Variants in JMJD1C observed in about 807,000 individuals in gnomAD.
JMJD1C encodes jumonji domain-containing protein 1C.
In JMJD1C, 31 loss-of-function variants were observed where a neutral mutation model predicts 245.3. The ratio of observed to expected loss-of-function variants is 0.13; its 90% CI spans 0.09 to 0.17. JMJD1C has a LOEUF of 0.17. Ranked by LOEUF, JMJD1C falls within the 10% of genes least tolerant of loss-of-function variation. JMJD1C has a pLI of 1.00. For synonymous variants in JMJD1C, 1,057 were observed against 1,017.4 expected (o/e 1.04, Z -0.74); for missense variants, 2,691 against 3,000.2 (o/e 0.90, Z 2.41).
intron 2 of JMJD1C, among the ~76,000 whole-genome samples, chr10:63,315,411 T>G (rs960503175): frequency 7.9e-5 from 12 of 152,224 alleles, no homozygotes; most frequent in Admixed American, 7.9e-4. Flanking sequence ...GGGTAACTTT[T>G]CATCTATTGT....
intron 1 of JMJD1C, among the ~76,000 whole-genome samples, chr10:63,388,412 A>G (rs1947798181): frequency 6.6e-6 from 1 of 152,204 alleles, no homozygotes; most frequent in Admixed American, 6.5e-5. Context: ...ATGGGGAAAT[A>G]AAGTCTTTCC....
chr10:63,398,318 T>C (rs1948633546), intron 1 of JMJD1C, among the ~76,000 whole-genome samples: 1 of 152,170 alleles, frequency 6.6e-6, no homozygotes, highest in African/African-American at 2.4e-5. Context: ...CTTTTTCCCC[T>C]TGGTTAAAGA....
intron 1 of JMJD1C, among the ~76,000 whole-genome samples, chr10:63,457,213 A>C (rs911224555): frequency 1.3e-5 from 2 of 152,220 alleles, no homozygotes; most frequent in African/African-American, 2.4e-5. Context: ...GCAGGTTCCA[A>C]TTTAAAGGAA....
At chr10:63,383,194 T>C (rs1251169350) in intron 1 of JMJD1C, among the ~76,000 whole-genome samples, 8 of 144,080 alleles carry the variant, frequency 5.6e-5, no homozygotes, top group African/African-American at 2.1e-4. Flanking sequence ...GTGTTTATAC[T>C]GCTGCCCACT....
At chr10:63,244,847 G>T (rs964674414) in intron 3 of JMJD1C, among the ~76,000 whole-genome samples, 2 of 150,752 alleles carry the variant, frequency 1.3e-5, no homozygotes, top group Non-Finnish European at 3.0e-5. Flanking sequence ...ACAATTAAAA[G>T]AAATTAAGGC....
chr10:63,392,909 C>CACACGT (rs60946505), intron 1 of JMJD1C, among the ~76,000 whole-genome samples: 1 of 144,940 alleles, frequency 6.9e-6, no homozygotes, highest in Non-Finnish European at 1.5e-5. Flanking sequence ...CACACACACA[C>CACACGT]GTGAGCAAAG....
At chr10:63,232,594 T>C (rs760427860) in intron 3 of JMJD1C, among the ~76,000 whole-genome samples, 3 of 152,202 alleles carry the variant, frequency 2.0e-5, no homozygotes, top group Non-Finnish European at 4.4e-5. Context: ...CCCACTGTTA[T>C]ATATCCAGAT....
At chr10:63,335,487 A>C (rs1419266952) in intron 2 of JMJD1C, among the ~76,000 whole-genome samples, 1 of 152,186 alleles carries the variant, frequency 6.6e-6, no homozygotes, top group Non-Finnish European at 1.5e-5. Context: ...TTTCACTGCA[A>C]TGTGCAATCT....
At chr10:63,434,535 A>C (rs1321746558) in intron 1 of JMJD1C, among the ~76,000 whole-genome samples, 1 of 152,088 alleles carries the variant, frequency 6.6e-6, no homozygotes, top group Non-Finnish European at 1.5e-5. Context: ...TAAGCTACCG[A>C]GAGAGGAAGA....
chr10:63,203,039 A>C (rs1177140084), intron 10 of JMJD1C: 21 of 984,982 alleles, frequency 2.1e-5, no homozygotes, highest in Non-Finnish European at 2.4e-6. Context: ...GACATTTCAA[A>C]GCAAATCTCA....
In JMJD1C at chr10:63,465,770, C is replaced by T; in HGVS notation, c.-108G>A. On this transcript the variant is annotated 5_prime_UTR_variant, in exon 1 of 26. Coordinates refer to ENST00000399262, the MANE Select transcript of JMJD1C (RefSeq NM_032776.3). ...AGGAGAGCGGACCGGGACACAGCAGCGGACCCGAAAGAGCGCAGACTCGGG... is the reference window on the plus strand; with the variant it reads ...AGGAGAGCGGACCGGGACACAGCAGTGGACCCGAAAGAGCGCAGACTCGGG... The T allele has an allele frequency of 7.4e-7, 1 of 1,342,962 alleles. No individual in the cohort carries two copies. The highest frequency in any genetic ancestry group is 1.8e-4 in the Middle Eastern group (1 of 5,638). The allele number at this position is 1,342,962 out of a possible 1,614,324, so 83.2% of individuals were successfully genotyped here. A position where few individuals can be genotyped will look rare whatever the true frequency, so the allele number is the denominator to read the frequency against.
At chr10:63,498,181 GA>G (rs1262478009) in intron 1 of JMJD1C, among the ~76,000 whole-genome samples, 1 of 152,124 alleles carries the variant, frequency 6.6e-6, no homozygotes, top group Non-Finnish European at 1.5e-5. Context: ...CTGATCTAAT[GA>G]AAACAAAGAA....
In JMJD1C at chr10:63,214,589, T is replaced by C. The variant is rs1280733926; in HGVS notation, c.1578A>G (p.Ser526=). The change falls in exon 8 of 26, where the codon TCA becomes TCG. Residue 526 remains serine (S), a synonymous_variant. Transcript: ENST00000399262. ...GAAGTGTCTGAAGGCCAAAGGTACT[T>C]GAGTTTTCCTGAGCCACCTTTTCTA... ...TNLEKVAQEN[S]STFGLQTLQK... 2 of 1,613,856 alleles carry C rather than the reference T, an allele frequency of 1.2e-6. No individual in the cohort carries two copies. The highest frequency in any genetic ancestry group is 1.7e-6 in the Non-Finnish European group (2 of 1,179,874).
intron 23 of JMJD1C, 85 bp from the exon 24 acceptor site, chr10:63,176,558 TAAC>T (rs1842873107): frequency 1.0e-6 from 1 of 995,710 alleles, no homozygotes; most frequent in East Asian, 2.5e-5. Context: ...TTATTTGTAA[TAAC>T]AAATCTTTTC....
intron 1 of JMJD1C, among the ~76,000 whole-genome samples, chr10:63,511,203 T>C (rs1954861725): frequency 6.6e-6 from 1 of 152,256 alleles, no homozygotes; most frequent in Non-Finnish European, 1.5e-5. Context: ...CTATCATATT[T>C]ATTACAGGTT....
At chr10:63,250,080 G>A (rs943542948) in intron 3 of JMJD1C, among the ~76,000 whole-genome samples, 1 of 151,896 alleles carries the variant, frequency 6.6e-6, no homozygotes, top group African/African-American at 2.4e-5. Context: ...CATAATCATA[G>A]CTCACTACAG....
intron 19 of JMJD1C, 106 bp from the exon 20 acceptor site, chr10:63,185,759 TA>T (rs1288001965): frequency 5.7e-6 from 4 of 701,980 alleles, no homozygotes; most frequent in Non-Finnish European, 1.0e-5. Flanking sequence ...TGTTGCACAT[TA>T]CATGCTTAAT....
At chr10:63,343,973 G>A (rs1384757294) in intron 2 of JMJD1C, among the ~76,000 whole-genome samples, 3 of 152,162 alleles carry the variant, frequency 2.0e-5, no homozygotes, top group Non-Finnish European at 4.4e-5. Context: ...GGGAGGTCAA[G>A]CATGCAGTGA....
At chr10:63,383,548 A>T (rs983975979) in intron 1 of JMJD1C, among the ~76,000 whole-genome samples, 5 of 152,080 alleles carry the variant, frequency 3.3e-5, no homozygotes, top group African/African-American at 1.2e-4. Flanking sequence ...AAAATGAAAA[A>T]AATTAGCCAG....
Sources: allele counts gnomAD v4.1 joint callset (sites outside exome capture counted in the v4.1 genomes callset), GRCh38; gene constraint gnomAD v4.1.1; transcripts MANE v1.5; gene names NCBI Gene and HGNC (gene_info 2026-07-23, HGNC 2026-07-21).